The following PHF14 variants were observed in gnomAD, a reference collection of about 807,000 sequenced individuals.
PHF14 encodes PHD finger protein 14.
PHF14 carries 55 observed loss-of-function variants against 117.9 expected under a neutral mutation model. The observed-to-expected ratio is 0.47, with a 90% CI of 0.38 to 0.58. The LOEUF is 0.58. PHF14 is among the 20% of genes least tolerant of loss of function. PHF14 has a pLI of 0.00. For synonymous variants in PHF14, 409 were observed against 368.6 expected (o/e 1.11, Z -1.26); for missense variants, 978 against 1,122.2 (o/e 0.87, Z 1.84).
intron 6 of PHF14, among the ~76,000 whole-genome samples, chr7:11,026,156 C>G (rs995117936): frequency 1.3e-5 from 2 of 150,974 alleles, no homozygotes; most frequent in East Asian, 3.9e-4. Flanking sequence ...GCCACTCCAA[C>G]TTTCAGCAAC....
chr7:11,139,103 A>T (rs1788331616), intron 17 of PHF14, among the ~76,000 whole-genome samples: 1 of 152,140 alleles, frequency 6.6e-6, no homozygotes, highest in African/African-American at 2.4e-5. Flanking sequence ...ACATATGAAA[A>T]ATTTTGTTCT....
At chr7:10,988,405 A>G (rs1281122453) in intron 3 of PHF14, among the ~76,000 whole-genome samples, 4 of 152,200 alleles carry the variant, frequency 2.6e-5, no homozygotes, top group Admixed American at 6.5e-5. Context: ...CTTGTTTCCC[A>G]TATGGGTAAA....
intron 17 of PHF14, among the ~76,000 whole-genome samples, chr7:11,129,997 T>C (rs770078455): frequency 5.3e-5 from 8 of 151,988 alleles, no homozygotes; most frequent in African/African-American, 7.2e-5. Flanking sequence ...TGCTAAGTTA[T>C]GCAGCAAAAA....
chr7:11,145,781 A>C (rs1472789483), intron 17 of PHF14, among the ~76,000 whole-genome samples: 1 of 152,118 alleles, frequency 6.6e-6, no homozygotes, highest in Non-Finnish European at 1.5e-5. Flanking sequence ...TATTTTATTA[A>C]AACAGTAAAT....
chr7:11,067,586 C>A (rs577355556), intron 16 of PHF14, among the ~76,000 whole-genome samples: 105 of 152,228 alleles, frequency 6.9e-4, no homozygotes, highest in Non-Finnish European at 1.2e-3. Flanking sequence ...AAAGGATAAA[C>A]AAAATGTAGT....
chr7:11,021,636 A>G (rs572068050), intron 5 of PHF14, among the ~76,000 whole-genome samples: 6 of 152,288 alleles, frequency 3.9e-5, no homozygotes, highest in Non-Finnish European at 2.9e-5. Flanking sequence ...CATTTAATAC[A>G]TCAGTGGAGC....
At chr7:10,983,275 G>C (rs1782105863) in intron 3 of PHF14, 116 bp downstream of exon 3, 11 of 1,098,962 alleles carry the variant, frequency 1.0e-5, no homozygotes, top group African/African-American at 3.1e-5. Flanking sequence ...GACGGCTGTG[G>C]GATGAATGAG....
intron 16 of PHF14, among the ~76,000 whole-genome samples, chr7:11,094,334 T>C (rs1786762085): frequency 6.6e-6 from 1 of 152,190 alleles, no homozygotes. Context: ...TCTTCTAGAG[T>C]GTTTGGGGGT....
rs866014730 is a variant in PHF14, at chr7:10,979,401, A to G, written c.113-2971A>G. 3.9e-5 allele frequency among the ~76,000 whole-genome samples: 6 copies of G among 152,032 alleles called. No individual in the cohort carries two copies. In the South Asian group the frequency reaches 1.0e-3, roughly 26 times the overall value. ...ATATATTGTATGTTTGAGAAAGGTT[A>G]TCTTTTATTTAACCAAATGGGAAGT... On this transcript the variant is annotated intron_variant, in intron 2 of 17. Transcript: ENST00000634607.
chr7:11,053,857 T>A (rs1784927841), intron 14 of PHF14, among the ~76,000 whole-genome samples: 1 of 152,054 alleles, frequency 6.6e-6, no homozygotes, highest in Admixed American at 6.6e-5. Flanking sequence ...ATAATCCCAT[T>A]CCTTTCATCT....
intron 16 of PHF14, chr7:11,109,835 TC>T (rs1403409240): frequency 6.6e-6 from 1 of 151,934 alleles, no homozygotes; most frequent in East Asian, 1.9e-4. Context: ...TTTTATCTAT[TC>T]CTGTAGCTAG....
intron 8 of PHF14, among the ~76,000 whole-genome samples, chr7:11,036,161 A>T (rs1408184140): frequency 6.6e-6 from 1 of 152,200 alleles, no homozygotes; most frequent in African/African-American, 2.4e-5. Context: ...AGTTATTAAG[A>T]AGAGAAACTT....
chr7:11,153,091 T>A (rs1276602647), intron 17 of PHF14, among the ~76,000 whole-genome samples: 3 of 152,170 alleles, frequency 2.0e-5, no homozygotes, highest in South Asian at 4.1e-4. Flanking sequence ...TGATGTGATG[T>A]GTGTCTTACA....
chr7:11,011,107 C>CTA (rs1379135580), intron 4 of PHF14, among the ~76,000 whole-genome samples: 1 of 152,116 alleles, frequency 6.6e-6, no homozygotes, highest in Non-Finnish European at 1.5e-5. Context: ...TAGTTATGAT[C>CTA]TATATTTGGT....
intron 11 of PHF14, among the ~76,000 whole-genome samples, chr7:11,039,324 G>A (rs1784426316): frequency 2.0e-5 from 3 of 151,680 alleles, no homozygotes; most frequent in African/African-American, 4.8e-5. Context: ...GTTTTCAGCT[G>A]TATAAGAGAT....
chr7:10,999,837 ATAT>A (rs1782797404), intron 4 of PHF14, among the ~76,000 whole-genome samples: 1 of 152,256 alleles, frequency 6.6e-6, no homozygotes, highest in Non-Finnish European at 1.5e-5. Flanking sequence ...TGTTGTGTCT[ATAT>A]AAAGTCATGT....
At chr7:11,021,348 A>G (rs1783728905) in intron 5 of PHF14, among the ~76,000 whole-genome samples, 1 of 152,222 alleles carries the variant, frequency 6.6e-6, no homozygotes, top group Non-Finnish European at 1.5e-5. Flanking sequence ...AATAATGTGC[A>G]TCTAAACAGA....
At chr7:11,075,554 A>G (rs1305092811) in intron 16 of PHF14, among the ~76,000 whole-genome samples, 1 of 141,512 alleles carries the variant, frequency 7.1e-6, no homozygotes, top group Non-Finnish European at 1.5e-5. Context: ...TTCCCATGGG[A>G]AGGAAAGAGG....
In PHF14 at chr7:11,169,514, A is replaced by G. The variant is rs79953724; in HGVS notation, c.*24A>G. 0.024 allele frequency: 28,799 copies of G among 1,192,492 alleles called. 361 individuals are homozygous for G. The highest frequency in any genetic ancestry group is 0.044 in the Middle Eastern group (218 of 4,982). 73.9% of individuals were successfully genotyped at this position (1,192,492 alleles called of 1,614,324 possible). ...AAAAGATTTTCTGTAGTGTTTTTGAAAAGTTTGCAGCTTATGTAATAGCAG... is the reference window on the plus strand; with the variant it reads ...AAAAGATTTTCTGTAGTGTTTTTGAGAAGTTTGCAGCTTATGTAATAGCAG... On this transcript the variant is annotated 3_prime_UTR_variant, in exon 18 of 18. Coordinates refer to ENST00000634607, the MANE Select transcript of PHF14 (RefSeq NM_001007157.2).
Sources: gnomAD v4.1 joint callset for allele counts (sites outside exome capture counted in the v4.1 genomes callset) on GRCh38, gnomAD v4.1.1 for gene constraint, MANE v1.5 for transcripts, NCBI Gene and HGNC (gene_info 2026-07-23, HGNC 2026-07-21) for gene names.